Variants in SPTBN5 observed in about 807,000 individuals in gnomAD.
The protein encoded by SPTBN5 is spectrin beta chain, non-erythrocytic 5.
In SPTBN5, 513 loss-of-function variants were observed where a neutral mutation model predicts 477.6. The observed-to-expected ratio is 1.07, with a 90% CI of 1.00 to 1.16. The LOEUF (loss-of-function observed/expected upper bound fraction) is 1.16, where lower values mean the gene tolerates loss of function less well. Ranked by LOEUF, SPTBN5 falls within the 50% of genes most tolerant of loss-of-function variation. SPTBN5 has a pLI of 0.00. For missense variants in SPTBN5, 5,062 were observed against 4,731.8 expected (o/e 1.07, Z -2.05); for synonymous variants, 2,169 against 2,011.7 (o/e 1.08, Z -2.09).
Position 41,876,836 on chromosome 15 carries a change from A to G in SPTBN5, c.3824T>C (p.Val1275Ala). The change falls in exon 19 of 68, where the codon GTT becomes GCT. Residue 1275 changes from valine (V) to alanine (A), a missense_variant. Coordinates refer to ENST00000320955, the MANE Select transcript of SPTBN5 (RefSeq NM_016642.4). ...EALRAHGEKL[V>A]QSQHPAAHTV... ...GTGTGCAGCTGGGTGCTGGCTCTGA[A>G]CCAGCTTCTCGCCGTGTGCCCGCAG... The G allele has an allele frequency of 6.2e-7, 1 of 1,610,460 alleles. No individual in the cohort carries two copies. The highest frequency in any genetic ancestry group is 8.5e-7 in the Non-Finnish European group (1 of 1,179,794).
chr15:41,882,704 CT>C lies in SPTBN5; in HGVS notation c.1926del (p.Glu643SerfsTer13), dbSNP rs955305784. On this transcript the variant is annotated frameshift_variant, in exon 10 of 68. Coordinates refer to ENST00000320955, the MANE Select transcript of SPTBN5 (RefSeq NM_016642.4). LOFTEE classifies it high-confidence loss of function. Reference protein sequence around the residue: ...RALLEQTLQRAEFLRNCEEEE... With the variant: ...RALLEQTLQRXEFLRNCEEEE... ...TCCTCCTCACAGTTGCGCAGGAACT[CT>C]GCCCGCTGCAGGGTCTGCTCCAGCA... 1 of 1,609,764 alleles carries C rather than the reference CT, an allele frequency of 6.2e-7. No homozygotes were observed. Among genetic ancestry groups the C allele is most frequent in the Non-Finnish European group, 8.5e-7 (1 of 1,178,470 alleles).
At chr15:41,879,559 C>A in intron 15 of SPTBN5, 60 bp from the exon 16 acceptor site, 1 of 1,517,128 alleles carries the variant, frequency 6.6e-7, no homozygotes, top group Non-Finnish European at 8.8e-7. Context: ...CATCCGGGAG[C>A]CTTGGCCAGA....
At position 41,857,454 on chromosome 15, in the gene SPTBN5, C is replaced by T. The variant is rs910082192; in HGVS notation, c.8405G>A (p.Trp2802Ter). ...LRRSMEELEN[W>*]LEPIEVELRA... is the part of the protein sequence containing the mutation. The stretch of plus-strand genomic sequence containing the variant: ...CAGCTCAACCTCGATGGGCTCCAGC[C>T]AGTTCTCCAGTTCCTCCATGCTCCG... Residue 2802 changes from tryptophan to a stop codon, truncating the protein, a stop_gained, in exon 51 of 68, where the codon TGG (tryptophan) becomes TAG (stop). Coordinates refer to ENST00000320955, the MANE Select transcript of SPTBN5 (RefSeq NM_016642.4). LOFTEE classifies it high-confidence loss of function. The T allele has an allele frequency of 6.2e-7, 1 of 1,608,582 alleles. No individual in the cohort carries two copies. The highest frequency in any genetic ancestry group is 2.2e-5 in the East Asian group (1 of 44,690).
chr15:41,853,599 C>T lies in SPTBN5; in HGVS notation c.9963G>A (p.Gly3321=). 2 of 1,577,586 alleles carry T rather than the reference C, an allele frequency of 1.3e-6. No homozygotes were observed. The highest frequency in any genetic ancestry group is 8.6e-7 in the Non-Finnish European group (1 of 1,159,266). ...AQAAQGHAFL[G]RCQELLAWAQ... is the part of the protein sequence containing the mutation. ...ACACCTACAGCAGTTCCTGGCAGCG[C>T]CCGAGGAAGGCATGGCCCTGTGCAG... Residue 3321 remains glycine (G), a synonymous_variant, in exon 58 of 68, where the codon GGG becomes GGA. Coordinates refer to ENST00000320955, the MANE Select transcript of SPTBN5 (RefSeq NM_016642.4).
rs375882514 is a variant in SPTBN5, at chr15:41,852,774, G to T, written c.10348-39C>A. ...TGTTCAGGTGACGCCCAGCTTGGGGGGGGGGGCCCAGAGCCTGGTAGCCAG... is the reference window on the plus strand; with the variant it reads ...TGTTCAGGTGACGCCCAGCTTGGGGTGGGGGGCCCAGAGCCTGGTAGCCAG... On this transcript the variant is annotated intron_variant, in intron 60 of 67. Coordinates refer to ENST00000320955, the MANE Select transcript of SPTBN5 (RefSeq NM_016642.4). The T allele has an allele frequency of 2.1e-4, 331 of 1,611,584 alleles. 4 individuals carry two copies. Among genetic ancestry groups the T allele is most frequent in the Admixed American group, 5.8e-4 (35 of 60,008 alleles).
intron 7 of SPTBN5, among the ~76,000 whole-genome samples, chr15:41,884,909 C>T (rs556310741): frequency 1.5e-4 from 23 of 152,360 alleles, no homozygotes; most frequent in African/African-American, 5.3e-4. Flanking sequence ...CTGTCTCCCA[C>T]GTCTGCATGG....
rs777299962 is a variant in SPTBN5, at chr15:41,871,821, T to G, written c.5262A>C (p.Lys1754Asn). Residue 1754 changes from lysine to asparagine, a missense_variant, in exon 28 of 68, where the codon AAA becomes AAC. Coordinates refer to ENST00000320955, the MANE Select transcript of SPTBN5 (RefSeq NM_016642.4). Reference protein sequence around the residue: ...GWLASQKQAAKGGESLGEDPE... With the variant: ...GWLASQKQAANGGESLGEDPE... ...GGTCCTCTCCCAGGCTCTCCCCTCC[T>G]TTGGCTGCCTGCTTCTGGCTTGCCA... The G allele has an allele frequency of 6.3e-7, 1 of 1,592,368 alleles. No individual in the cohort carries two copies. The highest frequency in any genetic ancestry group is 8.5e-7 in the Non-Finnish European group (1 of 1,169,798).
chr15:41,874,909 C>G lies in SPTBN5; in HGVS notation c.4435G>C (p.Ala1479Pro). 6.2e-7 allele frequency: 1 copy of G among 1,613,222 alleles called. No individual in the cohort carries two copies. Among genetic ancestry groups the G allele is most frequent in the Non-Finnish European group, 8.5e-7 (1 of 1,179,814 alleles). Residue 1479 changes from alanine to proline, a missense_variant, in exon 23 of 68, where the codon GCC (alanine) becomes CCC (proline). Coordinates refer to ENST00000320955, the MANE Select transcript of SPTBN5 (RefSeq NM_016642.4). ...GCGGCCATGCCATGGGCCATGGAGG[C>G]GAGGGCAGCCATCTTGGCAGCCAGG... ...RTLAAKMAAL[A>P]SMAHGMAASP...
Position 41,862,789 on chromosome 15 carries a change from C to T in SPTBN5, c.7263+1G>A. The T allele has an allele frequency of 6.4e-7, 1 of 1,566,518 alleles. No individual in the cohort carries two copies. Among genetic ancestry groups the T allele is most frequent in the Non-Finnish European group, 8.6e-7 (1 of 1,157,386 alleles). On this transcript the variant is annotated splice_donor_variant, in intron 42 of 67. Transcript: ENST00000320955. LOFTEE classifies it high-confidence loss of function. ...GCCCAGCTCTACAGCCAGCTACGCA[C>T]CTCCACCTGGGCCTGGATGGGGTGC...
chr15:41,858,751 G>A lies in SPTBN5; in HGVS notation c.8080-3C>T. 1 of 1,608,694 alleles carries A rather than the reference G, an allele frequency of 6.2e-7. No homozygotes were observed. The highest frequency in any genetic ancestry group is 8.5e-7 in the Non-Finnish European group (1 of 1,178,176). ...TTCTCCCTCAGCCACGCAGCCACCTGGGCACATGGGGAGGACAGGCCTGCT... is the reference window on the plus strand; with the variant it reads ...TTCTCCCTCAGCCACGCAGCCACCTAGGCACATGGGGAGGACAGGCCTGCT... On this transcript the variant is annotated splice_polypyrimidine_tract_variant and splice_region_variant and intron_variant, in intron 48 of 67. Coordinates refer to ENST00000320955, the MANE Select transcript of SPTBN5 (RefSeq NM_016642.4).
In SPTBN5 at chr15:41,878,452, ACT is replaced by A. The variant is rs906419969; in HGVS notation, c.3358_3359del (p.Ser1120CysfsTer184). ...ESQQLLLWAESVQAQLRSKEV... is the reference protein window; with the variant it reads ...ESQQLLLWAEXVQAQLRSKEV... ...CCTTGCTGCGCAGCTGAGCCTGGAC[ACT>A]CTCTGCCCACAGTAGCAGTTGCTGG... On this transcript the variant is annotated frameshift_variant, in exon 17 of 68. Coordinates refer to ENST00000320955, the MANE Select transcript of SPTBN5 (RefSeq NM_016642.4). LOFTEE classifies it high-confidence loss of function. 6.2e-6 allele frequency: 10 copies of A among 1,613,018 alleles called. No individual in the cohort carries two copies. Among genetic ancestry groups the A allele is most frequent in the Middle Eastern group, 1.6e-4 (1 of 6,080 alleles).
At position 41,892,960 on chromosome 15, in the gene SPTBN5, G is replaced by C; in HGVS notation, c.318C>G (p.Ser106Arg). Residue 106 changes from serine (S) to arginine (R), a missense_variant, in exon 3 of 68, where the codon AGC becomes AGG. Ser to Arg is a moderately radical substitution (Grantham distance 110). Transcript: ENST00000320955. ...LISGEALPPP[S>R]RGRLRVHFLE... ...GGAAGTGCACACGCAGGCGGCCCCG[G>C]CTCGGGGGTGGCAGGGCCTCCCCTG... is the stretch of plus-strand genomic sequence containing the variant. 6.2e-7 allele frequency: 1 copy of C among 1,608,948 alleles called. No individual in the cohort carries two copies. Among genetic ancestry groups the C allele is most frequent in the Non-Finnish European group, 8.5e-7 (1 of 1,179,712 alleles).
In SPTBN5 at chr15:41,878,390, A is replaced by G. The variant is rs2066819715; in HGVS notation, c.3422T>C (p.Leu1141Pro). Residue 1141 changes from leucine (L) to proline (P), a missense_variant, in exon 17 of 68, where the codon CTG (leucine) becomes CCG (proline). Physicochemically the swap from Leu to Pro is moderately conservative, Grantham distance 98. Coordinates refer to ENST00000320955, the MANE Select transcript of SPTBN5 (RefSeq NM_016642.4). ...SVDVASAQRL[L>P]REHQDLLEEI... ...CTCCAGCAGGTCTTGGTGCTCCCTC[A>G]GCAGCCGCTGAGCCGAGGCCACATC... 1 of 1,613,538 alleles carries G rather than the reference A, an allele frequency of 6.2e-7. No homozygotes were observed.
chr15:41,848,493 T>A lies in SPTBN5; in HGVS notation c.*123A>T. The A allele has an allele frequency of 1.8e-6, 2 of 1,135,976 alleles. No individual in the cohort carries two copies. Among genetic ancestry groups the A allele is most frequent in the Non-Finnish European group, 2.7e-6 (2 of 745,892 alleles). 70.4% of individuals were successfully genotyped at this position (1,135,976 alleles called of 1,614,324 possible). ...AACTGTCTATTCCAGAAGCTGGGCC[T>A]GGGGAACTGGGTTGAAGCAGCCACG... is the stretch of plus-strand genomic sequence containing the variant. On this transcript the variant is annotated 3_prime_UTR_variant, in exon 68 of 68. Coordinates refer to ENST00000320955, the MANE Select transcript of SPTBN5 (RefSeq NM_016642.4).
intron 44 of SPTBN5, 59 bp from the exon 45 acceptor site, chr15:41,861,982 G>T: frequency 6.4e-7 from 1 of 1,556,058 alleles, no homozygotes; most frequent in Non-Finnish European, 8.6e-7. Flanking sequence ...AGGCAGGAGA[G>T]AGGTGGGGAA....
rs1197675 is a variant in SPTBN5 at position 41,857,398 on chromosome 15, C to T, written c.8461G>A (p.Gly2821Arg). The T allele has an allele frequency of 6.3e-7, 1 of 1,588,896 alleles. No homozygotes were observed. The highest frequency in any genetic ancestry group is 1.1e-5 in the South Asian group (1 of 87,540). ...RAPTVGQALP[G>R]VGELLGTQRE... ...TGTGTGCCCAGGAGCTCGCCCACCC[C>T]AGGCAGGGCCTGGCCCACAGTGGGG... Residue 2821 changes from glycine (G) to arginine (R), a missense_variant, in exon 51 of 68, where the codon GGG becomes AGG. By Grantham distance (125) the Gly-to-Arg change is moderately radical (BLOSUM62 -2). Coordinates refer to ENST00000320955, the MANE Select transcript of SPTBN5 (RefSeq NM_016642.4).
At chr15:41,889,495 A>C (rs1308152527) in intron 4 of SPTBN5, among the ~76,000 whole-genome samples, 1 of 146,956 alleles carries the variant, frequency 6.8e-6, no homozygotes, top group Non-Finnish European at 1.5e-5. Flanking sequence ...TCGGCTCATC[A>C]CACCCTCAGC....
Position 41,858,695 on chromosome 15 carries a change from C to T in SPTBN5, c.8133G>A (p.Leu2711=), listed in dbSNP as rs759506646. 6 of 1,609,812 alleles carry T rather than the reference C, an allele frequency of 3.7e-6. No individual in the cohort carries two copies. In the South Asian group the frequency reaches 6.7e-5, roughly 18 times the overall value. ...KNLVALEEGL[L]DTAMLPAQLQ... is the part of the protein sequence containing the mutation. ...ACTGTGCTGGCAGCATGGCTGTGTC[C>T]AGCAAACCCTCCTCCAAGGCCACCA... is the stretch of plus-strand genomic sequence containing the variant. Residue 2711 remains leucine, a synonymous_variant, in exon 49 of 68, where the codon CTG becomes CTA. Coordinates refer to ENST00000320955, the MANE Select transcript of SPTBN5 (RefSeq NM_016642.4).
intron 61 of SPTBN5, 21 bp downstream of exon 61, chr15:41,852,613 C>T: frequency 6.2e-7 from 1 of 1,610,444 alleles, no homozygotes; most frequent in Non-Finnish European, 8.5e-7. Flanking sequence ...GCCCTCAGCC[C>T]CTAGCCGAGG....
Sources: allele counts gnomAD v4.1 joint callset (sites outside exome capture counted in the v4.1 genomes callset), GRCh38; gene constraint gnomAD v4.1.1; transcripts MANE v1.5; gene names NCBI Gene and HGNC (gene_info 2026-07-23, HGNC 2026-07-21).